Variants in MCM9 observed in about 807,000 individuals in gnomAD.
MCM9 encodes the protein DNA helicase MCM9.
In MCM9, 55 loss-of-function variants were observed where a neutral mutation model predicts 72.8. The observed-to-expected ratio is 0.76, with a 90% CI of 0.61 to 0.95. The LOEUF is 0.95. MCM9 is among the 40% of genes least tolerant of loss of function. The pLI is 0.00. For synonymous variants in MCM9, 480 were observed against 503.4 expected (o/e 0.95, Z 0.62); for missense variants, 1,279 against 1,377.0 (o/e 0.93, Z 1.13).
chr6:118,922,776 A>G (rs1781535951), intron 4 of MCM9, among the ~76,000 whole-genome samples: 1 of 152,150 alleles, frequency 6.6e-6, no homozygotes, highest in Non-Finnish European at 1.5e-5. Flanking sequence ...TCACATCTGT[A>G]ATCCCAGCAC....
Position 118,842,295 on chromosome 6 carries a change from T to C in MCM9, c.1326-13045A>G, listed in dbSNP as rs375030535. Among the ~76,000 whole-genome samples the C allele has an allele frequency of 1.3e-4, 20 of 152,350 alleles. No individual in the cohort carries two copies. The South Asian group carries it at 4.1e-3, about 32-fold the overall frequency. The stretch of plus-strand genomic sequence containing the variant: ...ATTATTTAAAAATCTAGTGATACCC[T>C]GCTTTTGATGAGATGCTATCCTGCT... On this transcript the variant is annotated intron_variant, in intron 9 of 13. Transcript: ENST00000619706.
In MCM9 at chr6:118,849,395, T is replaced by C. The variant is rs949444193; in HGVS notation, c.1325+6976A>G. Reference sequence around the variant, plus strand: ...AACAAACAAAAGGTAAGTAAGGATATAGAAGACCTAAATAACATCATTTAT... The same window carrying C: ...AACAAACAAAAGGTAAGTAAGGATACAGAAGACCTAAATAACATCATTTAT... On this transcript the variant is annotated intron_variant, in intron 9 of 13. Transcript: ENST00000619706. Among the ~76,000 whole-genome samples the C allele has an allele frequency of 5.9e-5, 9 of 151,712 alleles. No homozygotes were observed. In the South Asian group the frequency reaches 6.2e-4, roughly 10 times the overall value.
At chr6:118,841,066 A>G (rs968985903) in intron 9 of MCM9, among the ~76,000 whole-genome samples, 2 of 152,142 alleles carry the variant, frequency 1.3e-5, no homozygotes, top group African/African-American at 4.8e-5. Flanking sequence ...ACTTTTTAAC[A>G]AGGTTGATAA....
At chr6:118,893,136 A>C (rs913052518) in intron 8 of MCM9, among the ~76,000 whole-genome samples, 3 of 152,222 alleles carry the variant, frequency 2.0e-5, no homozygotes, top group African/African-American at 7.2e-5. Flanking sequence ...TTAGGCTCAC[A>C]AATATGTTAA....
chr6:118,868,906 C>T (rs973329781), intron 8 of MCM9, among the ~76,000 whole-genome samples: 2 of 152,106 alleles, frequency 1.3e-5, no homozygotes, highest in African/African-American at 2.4e-5. Flanking sequence ...CCCAGCAATC[C>T]CATTACTGGG....
rs776461560 is a variant in MCM9 at position 118,825,627 on chromosome 6, C to A, written c.1961+520G>T. On this transcript the variant is annotated intron_variant, in intron 13 of 13. Transcript: ENST00000619706. ...CTCACTCCTATTTCTCAGGCTTACA[C>A]GCAAAACCTAGGTTTTTAGAAGTCC... is the stretch of plus-strand genomic sequence containing the variant. Among the ~76,000 whole-genome samples the A allele has an allele frequency of 5.3e-5, 8 of 152,274 alleles. No homozygotes were observed. The South Asian group carries it at 6.2e-4, about 12-fold the overall frequency.
At position 118,857,307 on chromosome 6, in the gene MCM9, CAT is replaced by C. The variant is rs547958620; in HGVS notation, c.1151-764_1151-763del. On this transcript the variant is annotated intron_variant, in intron 8 of 13. Transcript: ENST00000619706. ...ACAATATGAGGGAAGGGATTCTCTT[CAT>C]ATGTCTTGTTGATTTTTATTTGTCC... Among the ~76,000 whole-genome samples, 4 of 152,236 alleles carry C rather than the reference CAT, an allele frequency of 2.6e-5. No homozygotes were observed. In the East Asian group the frequency reaches 7.7e-4, roughly 29 times the overall value.
chr6:118,935,154 C>T lies in MCM9; in HGVS notation c.-413G>A, dbSNP rs1782816513. On this transcript the variant is annotated 5_prime_UTR_variant, in exon 1 of 14. Coordinates refer to ENST00000619706, the MANE Select transcript of MCM9 (RefSeq NM_017696.3). ...CAACTTCCCTGCCCCGGCGGCTCTTCCGGATGGAGACGAGGCAGCGGGGCG... is the reference window on the plus strand; with the variant it reads ...CAACTTCCCTGCCCCGGCGGCTCTTTCGGATGGAGACGAGGCAGCGGGGCG... 1.3e-5 allele frequency: 2 copies of T among 152,242 alleles called. No homozygotes were observed. The highest frequency in any genetic ancestry group is 2.9e-5 in the Non-Finnish European group (2 of 68,098). The allele number at this position is 152,242 out of a possible 1,614,324, so 9.4% of individuals were successfully genotyped here.
chr6:118,928,171 G>T (rs185284264), intron 3 of MCM9, among the ~76,000 whole-genome samples: 132 of 152,322 alleles, frequency 8.7e-4, no homozygotes, highest in Middle Eastern at 3.4e-3. Flanking sequence ...CAGAACTGGG[G>T]AGGCTGAGGT....
chr6:118,933,238 G>A (rs1782585377), intron 1 of MCM9, among the ~76,000 whole-genome samples: 1 of 152,122 alleles, frequency 6.6e-6, no homozygotes, highest in Admixed American at 6.5e-5. Flanking sequence ...AGTGGCTCAC[G>A]CCTGTAATCC....
intron 9 of MCM9, among the ~76,000 whole-genome samples, chr6:118,841,550 G>C (rs1285484655): frequency 6.6e-6 from 1 of 152,208 alleles, no homozygotes; most frequent in African/African-American, 2.4e-5. Flanking sequence ...AGTAGGTTTT[G>C]ACAATGCAGA....
At chr6:118,933,922 A>G (rs1562443983) in intron 1 of MCM9, among the ~76,000 whole-genome samples, 1 of 140,152 alleles carries the variant, frequency 7.1e-6, no homozygotes, top group Non-Finnish European at 1.5e-5. Context: ...TAAAGCAGAA[A>G]AAGCACTTGG....
At chr6:118,881,832 T>A (rs1036257170) in intron 8 of MCM9, among the ~76,000 whole-genome samples, 18 of 152,190 alleles carry the variant, frequency 1.2e-4, no homozygotes, top group Admixed American at 3.9e-4. Flanking sequence ...ATAAGAATAG[T>A]GAGAGTCTAA....
rs147125509 is a variant in MCM9 at position 118,894,984 on chromosome 6, A to G, written c.1150+16666T>C. On this transcript the variant is annotated intron_variant, in intron 8 of 13. Transcript: ENST00000619706. ...CCCCGAGTCGAGAATTGGGCCAGCG[A>G]CCCCGGCGCACGGCGCCTCCTCTTG... Among the ~76,000 whole-genome samples the G allele has an allele frequency of 3.0e-3, 448 of 149,348 alleles. 3 individuals are homozygous for G. Among genetic ancestry groups the G allele is most frequent in the Non-Finnish European group, 4.1e-3 (271 of 66,566 alleles).
At chr6:118,873,833 G>A (rs1182479857) in intron 8 of MCM9, among the ~76,000 whole-genome samples, 1 of 152,152 alleles carries the variant, frequency 6.6e-6, no homozygotes, top group East Asian at 1.9e-4. Flanking sequence ...GAAAACTGCA[G>A]TCCATATCTT....
intron 8 of MCM9, among the ~76,000 whole-genome samples, chr6:118,865,575 C>T (rs1309534579): frequency 6.6e-6 from 1 of 152,170 alleles, no homozygotes; most frequent in African/African-American, 2.4e-5. Flanking sequence ...TTCAAGTGGT[C>T]ATTTGACAAG....
chr6:118,916,367 CA>C (rs879940959), intron 6 of MCM9, among the ~76,000 whole-genome samples: 2,495 of 131,440 alleles, frequency 0.019, 73 homozygotes, highest in African/African-American at 0.065. Context: ...CACACACACA[CA>C]AAAAAAAAAG....
intron 8 of MCM9, among the ~76,000 whole-genome samples, chr6:118,888,373 G>T (rs1411466247): frequency 6.6e-6 from 1 of 152,114 alleles, no homozygotes; most frequent in Non-Finnish European, 1.5e-5. Flanking sequence ...TGTAGTCCCA[G>T]CTACTCGGGA....
At chr6:118,883,676 TAC>T (rs1366560972) in intron 8 of MCM9, among the ~76,000 whole-genome samples, 1 of 151,666 alleles carries the variant, frequency 6.6e-6, no homozygotes, top group Non-Finnish European at 1.5e-5. Context: ...GCAGTGGGAT[TAC>T]ATATTCAAAG....
Sources: gnomAD v4.1 joint callset for allele counts (sites outside exome capture counted in the v4.1 genomes callset) on GRCh38, gnomAD v4.1.1 for gene constraint, MANE v1.5 for transcripts, NCBI Gene and HGNC (gene_info 2026-07-23, HGNC 2026-07-21) for gene names.